Variants in CLASP1 observed in about 807,000 individuals in gnomAD.
The protein encoded by CLASP1 is cytoplasmic linker associated protein 1.
In CLASP1, 38 loss-of-function variants were observed where a neutral mutation model predicts 192.3. The observed-to-expected ratio is 0.20, with a 90% confidence interval of 0.15 to 0.26. The LOEUF (loss-of-function observed/expected upper bound fraction) is 0.26. CLASP1 is among the 10% of genes least tolerant of loss of function. CLASP1 has a pLI of 1.00. For synonymous variants in CLASP1, 691 were observed against 712.8 expected (o/e 0.97, Z 0.49); for missense variants, 1,433 against 1,932.5 (o/e 0.74, Z 4.85).
At chr2:121,503,339 C>A (rs949341711) in intron 7 of CLASP1, 105 bp from the exon 8 acceptor site, 2 of 682,820 alleles carry the variant, frequency 2.9e-6, no homozygotes, top group Non-Finnish European at 2.6e-6. Flanking sequence ...TCAAAAAAAA[C>A]AATGGTACAG....
chr2:121,583,750 C>A (rs1484958967), intron 2 of CLASP1, among the ~76,000 whole-genome samples: 1 of 152,066 alleles, frequency 6.6e-6, no homozygotes, highest in East Asian at 1.9e-4. Flanking sequence ...ATGTTTGTGT[C>A]CCCTCCAAAA....
At chr2:121,413,740 T>C (rs769389806) in intron 23 of CLASP1, among the ~76,000 whole-genome samples, 15 of 152,330 alleles carry the variant, frequency 9.8e-5, no homozygotes, top group Non-Finnish European at 1.9e-4. Flanking sequence ...CATCAATAAC[T>C]AGCATTAATA....
intron 23 of CLASP1, among the ~76,000 whole-genome samples, chr2:121,417,421 TTAA>T (rs2078783430): frequency 6.6e-6 from 1 of 151,032 alleles, no homozygotes; most frequent in Non-Finnish European, 1.5e-5. Flanking sequence ...ATATACAGCC[TTAA>T]TTTAAAAGGA....
chr2:121,490,795 C>T (rs1028929120), intron 8 of CLASP1, among the ~76,000 whole-genome samples: 3 of 152,166 alleles, frequency 2.0e-5, no homozygotes, highest in Admixed American at 1.3e-4. Context: ...TCCTTGTATT[C>T]GTGACTATGG....
intron 8 of CLASP1, among the ~76,000 whole-genome samples, chr2:121,475,974 A>C (rs1334362799): frequency 6.6e-6 from 1 of 152,208 alleles, no homozygotes; most frequent in Non-Finnish European, 1.5e-5. Flanking sequence ...CAGCATCAGG[A>C]TAAACCACTT....
intron 2 of CLASP1, among the ~76,000 whole-genome samples, chr2:121,602,621 TGGAACAAAACAG>T (rs1457072091): frequency 1.3e-5 from 2 of 152,088 alleles, no homozygotes; most frequent in African/African-American, 4.8e-5. Flanking sequence ...CATAGGCCAA[TGGAACAAAACAG>T]GGAACACAGA....
chr2:121,457,488 C>CACACAG (rs1224936110), intron 14 of CLASP1, among the ~76,000 whole-genome samples, 199 bp downstream of exon 14: 1 of 151,416 alleles, frequency 6.6e-6, no homozygotes, highest in African/African-American at 2.4e-5. Context: ...CACACACACA[C>CACACAG]AGAAACATAA....
intron 37 of CLASP1, among the ~76,000 whole-genome samples, chr2:121,353,601 C>T (rs1394305578): frequency 1.3e-5 from 2 of 152,220 alleles, no homozygotes; most frequent in East Asian, 1.9e-4. Context: ...CATGTGTATG[C>T]TTTATTTTAT....
In CLASP1 at chr2:121,582,325, G is replaced by C. The variant is rs1321004018; in HGVS notation, c.195+23376C>G. On this transcript the variant is annotated intron_variant, in intron 2 of 39. Coordinates refer to ENST00000263710, the Ensembl canonical transcript of CLASP1. ...AAAGGGAGAGAGAGAGAAAGAGAAA[G>C]GGAGAGAGAGAGAAAGAGGAGGAGA... is the stretch of plus-strand genomic sequence containing the variant. Among the ~76,000 whole-genome samples, 3 of 149,202 alleles carry C rather than the reference G, an allele frequency of 2.0e-5. No individual in the cohort carries two copies. The East Asian group carries it at 5.9e-4, about 29-fold the overall frequency.
chr2:121,554,330 G>T (rs1425981443), intron 2 of CLASP1, among the ~76,000 whole-genome samples: 2 of 152,076 alleles, frequency 1.3e-5, no homozygotes, highest in African/African-American at 4.8e-5. Flanking sequence ...AATCAGATAG[G>T]CTGGTTGAAG....
intron 37 of CLASP1, among the ~76,000 whole-genome samples, chr2:121,356,416 G>C (rs1199695309): frequency 6.6e-6 from 1 of 152,230 alleles, no homozygotes; most frequent in Non-Finnish European, 1.5e-5. Flanking sequence ...AACCTGGGAC[G>C]AGAGTCCTCA....
intron 8 of CLASP1, among the ~76,000 whole-genome samples, chr2:121,501,612 A>G (rs1330672878): frequency 6.6e-6 from 1 of 152,210 alleles, no homozygotes; most frequent in Non-Finnish European, 1.5e-5. Flanking sequence ...TGAAAAAGAA[A>G]TAAGGAGGAT....
At chr2:121,577,157 G>A (rs1481021295) in intron 2 of CLASP1, among the ~76,000 whole-genome samples, 1 of 151,928 alleles carries the variant, frequency 6.6e-6, no homozygotes, top group Non-Finnish European at 1.5e-5. Context: ...AACACTGAGA[G>A]TTGTTGAAGC....
intron 34 of CLASP1, among the ~76,000 whole-genome samples, chr2:121,368,181 A>G (rs531880663): frequency 6.6e-6 from 1 of 152,264 alleles, no homozygotes; most frequent in South Asian, 2.1e-4. Flanking sequence ...GCACCAGACC[A>G]GCAACGGGGG....
chr2:121,360,601 GAAAAAA>G (rs61023548), intron 37 of CLASP1, among the ~76,000 whole-genome samples: 31,214 of 103,492 alleles, frequency 0.3, 6,261 homozygotes, highest in African/African-American at 0.58. Flanking sequence ...CAAGGGAAAA[GAAAAAA>G]AAAAAAAAAA....
chr2:121,571,248 T>A (rs1377225789), intron 2 of CLASP1, among the ~76,000 whole-genome samples: 3 of 152,064 alleles, frequency 2.0e-5, no homozygotes, highest in African/African-American at 7.2e-5. Context: ...TGATCTTGGC[T>A]CACCACAATC....
At chr2:121,351,825 C>T (rs551351228) in intron 37 of CLASP1, among the ~76,000 whole-genome samples, 140 of 152,286 alleles carry the variant, frequency 9.2e-4, no homozygotes, top group Non-Finnish European at 1.8e-3. Flanking sequence ...AGGTCAGGCT[C>T]GAGGACGAAG....
intron 2 of CLASP1, among the ~76,000 whole-genome samples, chr2:121,532,062 T>C (rs77178080): frequency 0.037 from 5,647 of 152,280 alleles, 158 homozygotes; most frequent in East Asian, 0.14. Flanking sequence ...GGATTTCTTG[T>C]ATACAGCCTG....
intron 12 of CLASP1, among the ~76,000 whole-genome samples, 153 bp from the exon 13 acceptor site, chr2:121,459,128 G>T (rs1392635581): frequency 6.6e-6 from 1 of 151,554 alleles, no homozygotes; most frequent in Non-Finnish European, 1.5e-5. Flanking sequence ...TTGGCAAATA[G>T]TTCTTAGCCC....
Sources: gnomAD v4.1 joint callset for allele counts (sites outside exome capture counted in the v4.1 genomes callset) on GRCh38, gnomAD v4.1.1 for gene constraint, MANE v1.5 for transcripts, NCBI Gene and HGNC (gene_info 2026-07-23, HGNC 2026-07-21) for gene names.